The following TEN1 variants were observed in gnomAD, a reference collection of about 807,000 sequenced individuals.
TEN1 encodes CST complex subunit TEN1.
TEN1 carries 6 observed loss-of-function variants against 9.3 expected under a neutral mutation model. The observed-to-expected ratio is 0.65, with a 90% confidence interval of 0.35 to 1.27. The LOEUF is 1.27. Among genes scored for constraint, TEN1 ranks in the 50% most tolerant of loss-of-function variants. The pLI is 0.03. For synonymous variants in TEN1, 65 were observed against 65.6 expected (o/e 0.99, Z 0.04); for missense variants, 149 against 158.2 (o/e 0.94, Z 0.31).
intron 3 of TEN1, among the ~76,000 whole-genome samples, chr17:75,992,497 ACT>A (rs1339505086): frequency 6.7e-6 from 1 of 149,580 alleles, no homozygotes; most frequent in East Asian, 2.0e-4. Context: ...GCAGCACCAA[ACT>A]CAGCCTTACT....
chr17:75,982,926 G>A (rs1421258472), intron 1 of TEN1, among the ~76,000 whole-genome samples: 1 of 148,982 alleles, frequency 6.7e-6, no homozygotes, highest in Non-Finnish European at 1.5e-5. Flanking sequence ...GGCCAGGCTA[G>A]TCTCGAACTC....
intron 1 of TEN1, among the ~76,000 whole-genome samples, chr17:75,980,452 G>T (rs962908706): frequency 2.0e-5 from 3 of 151,592 alleles, no homozygotes; most frequent in African/African-American, 7.3e-5. Flanking sequence ...TCTTGAGACG[G>T]AGTCTCGCTC....
At chr17:75,981,757 C>T (rs12603619) in intron 1 of TEN1, among the ~76,000 whole-genome samples, 3,123 of 152,164 alleles carry the variant, frequency 0.021, 79 homozygotes, top group East Asian at 0.13. Context: ...AAGCTGGGTG[C>T]GGTGGCTCAC....
chr17:75,995,014 G>A (rs2066210405), intron 3 of TEN1, among the ~76,000 whole-genome samples: 1 of 152,090 alleles, frequency 6.6e-6, no homozygotes, highest in Admixed American at 6.6e-5. Context: ...TTGAGATCAG[G>A]AGTTTAAGAC....
At chr17:75,993,723 G>A (rs1297375027) in intron 3 of TEN1, among the ~76,000 whole-genome samples, 3 of 152,096 alleles carry the variant, frequency 2.0e-5, no homozygotes, top group Admixed American at 2.0e-4. Context: ...TGGGCTGGGC[G>A]CCGTGGCTCA....
At chr17:75,985,403 C>T (rs1163665739) in intron 1 of TEN1, among the ~76,000 whole-genome samples, 1 of 152,060 alleles carries the variant, frequency 6.6e-6, no homozygotes, top group Admixed American at 6.6e-5. Context: ...CTGGCTTGGC[C>T]TCCGAAAGAG....
At position 76,000,387 on chromosome 17, in the gene TEN1, C is replaced by A; in HGVS notation, c.*125C>A. On this transcript the variant is annotated 3_prime_UTR_variant, in exon 4 of 4. Coordinates refer to ENST00000397640, the MANE Select transcript of TEN1 (RefSeq NM_001113324.3). The surrounding 1 kb of genome is among the most constrained non-coding windows in gnomAD (Gnocchi z 5.9). Reference sequence around the variant, plus strand: ...TGTCTGGAGCTCGAAAGCCGAGGGGCGGGTGATGAATCCAGCCCCTTCCCC... The same window carrying A: ...TGTCTGGAGCTCGAAAGCCGAGGGGAGGGTGATGAATCCAGCCCCTTCCCC... 1 of 1,346,308 alleles carries A rather than the reference C, an allele frequency of 7.4e-7. No homozygotes were observed. Among genetic ancestry groups the A allele is most frequent in the Non-Finnish European group, 9.9e-7 (1 of 1,014,422 alleles). 83.4% of individuals were successfully genotyped at this position (1,346,308 alleles called of 1,614,324 possible).
chr17:75,998,641 T>C (rs1230805311), intron 3 of TEN1, among the ~76,000 whole-genome samples: 1 of 152,174 alleles, frequency 6.6e-6, no homozygotes, highest in African/African-American at 2.4e-5. Context: ...AGAGCCTTTA[T>C]CTCAAACAGC....
intron 3 of TEN1, among the ~76,000 whole-genome samples, chr17:75,996,252 G>A (rs1008233656): frequency 6.6e-5 from 10 of 152,114 alleles, no homozygotes; most frequent in South Asian, 2.1e-4. Context: ...TTGGGAGGCC[G>A]AGGTGGGTGG....
intron 3 of TEN1, among the ~76,000 whole-genome samples, chr17:75,994,717 C>T (rs1452292627): frequency 6.6e-6 from 1 of 152,064 alleles, no homozygotes; most frequent in Admixed American, 6.6e-5. Flanking sequence ...ACCTCATGAT[C>T]CACCTGCCTC....
intron 3 of TEN1, among the ~76,000 whole-genome samples, chr17:75,999,621 G>A (rs998072722): frequency 6.6e-6 from 1 of 152,126 alleles, no homozygotes; most frequent in Admixed American, 6.6e-5. Context: ...GAGATTACAG[G>A]TGTGAGCCAG....
At chr17:75,995,119 G>A (rs1043854998) in intron 3 of TEN1, among the ~76,000 whole-genome samples, 1 of 152,036 alleles carries the variant, frequency 6.6e-6, no homozygotes, top group South Asian at 2.1e-4. Context: ...TACTTGAGAC[G>A]CTGAGGTGGC....
At chr17:75,982,373 A>G (rs1327237181) in intron 1 of TEN1, among the ~76,000 whole-genome samples, 2 of 152,246 alleles carry the variant, frequency 1.3e-5, no homozygotes, top group Non-Finnish European at 2.9e-5. Flanking sequence ...ATAAATTTGT[A>G]CACATTTTTG....
chr17:75,982,352 G>C (rs1290317145), intron 1 of TEN1, among the ~76,000 whole-genome samples: 2 of 152,198 alleles, frequency 1.3e-5, no homozygotes, highest in African/African-American at 4.8e-5. Context: ...GCTCCCATAT[G>C]TACATGTTAC....
Position 75,987,390 on chromosome 17 carries a change from C to T in TEN1, c.92+1106C>T, listed in dbSNP as rs1303632114. Among the ~76,000 whole-genome samples the T allele has an allele frequency of 2.0e-5, 3 of 152,142 alleles. No individual in the cohort carries two copies. In the East Asian group the frequency reaches 5.8e-4, roughly 29 times the overall value. On this transcript the variant is annotated intron_variant, in intron 2 of 3. Transcript: ENST00000397640. ...TTCTCTGTAGTTCTGTGTGAGGGTCCTCATAACACAGCAGTTTCTGCCAGA... is the reference window on the plus strand; with the variant it reads ...TTCTCTGTAGTTCTGTGTGAGGGTCTTCATAACACAGCAGTTTCTGCCAGA...
Position 75,991,620 on chromosome 17 carries a change from C to A in TEN1, c.247C>A (p.Gln83Lys). Residue 83 changes from glutamine (Q) to lysine (K), a missense_variant, in exon 3 of 4, where the codon CAG becomes AAG. Coordinates refer to ENST00000397640, the MANE Select transcript of TEN1 (RefSeq NM_001113324.3). ...YIVLGELQHQQDRGSVVKARV... is the reference protein window; with the variant it reads ...YIVLGELQHQKDRGSVVKARV... ...CGTCCTCGGGGAGCTCCAGCATCAG[C>A]AGGGTGAGCTGCAGCCTCAGATCCC... 1.3e-6 allele frequency: 2 copies of A among 1,551,228 alleles called. No homozygotes were observed. Among genetic ancestry groups the A allele is most frequent in the Non-Finnish European group, 1.7e-6 (2 of 1,146,732 alleles).
At chr17:75,994,899 C>A (rs2066209767) in intron 3 of TEN1, among the ~76,000 whole-genome samples, 1 of 152,112 alleles carries the variant, frequency 6.6e-6, no homozygotes, top group Non-Finnish European at 1.5e-5. Context: ...CTGGCCTGGG[C>A]AGAGGGGGCA....
In TEN1 at chr17:75,979,376, C is replaced by A. The variant is rs1367293068; in HGVS notation, c.-142C>A. On this transcript the variant is annotated 5_prime_UTR_variant, in exon 1 of 4. Transcript: ENST00000397640. ...GAGCGGATCCTCGGGAAAGGGGCTC[C>A]GAAGGTCAAGAAACTGCCCTGCTGG... is the stretch of plus-strand genomic sequence containing the variant. 3.8e-6 allele frequency: 2 copies of A among 528,258 alleles called. No homozygotes were observed. Among genetic ancestry groups the A allele is most frequent in the Non-Finnish European group, 6.9e-6 (2 of 291,412 alleles). 32.7% of individuals were successfully genotyped at this position (528,258 alleles called of 1,614,324 possible).
At chr17:75,991,897 CTT>C (rs1361359099) in intron 3 of TEN1, among the ~76,000 whole-genome samples, 1 of 151,968 alleles carries the variant, frequency 6.6e-6, no homozygotes, top group Non-Finnish European at 1.5e-5. Context: ...AAGTACAAAA[CTT>C]AGCTGGGCGT....
Sources: allele counts gnomAD v4.1 joint callset (sites outside exome capture counted in the v4.1 genomes callset), GRCh38; gene constraint gnomAD v4.1.1; non-coding constraint Gnocchi (gnomAD v3.1); transcripts MANE v1.5; gene names NCBI Gene and HGNC (gene_info 2026-07-23, HGNC 2026-07-21).